Variants in ZNF276 observed in about 807,000 individuals in gnomAD.
ZNF276 encodes centromere protein Z.
In ZNF276, 59 loss-of-function variants were observed where a neutral mutation model predicts 63.9. The observed-to-expected ratio is 0.92, with a 90% CI of 0.75 to 1.15. The LOEUF (loss-of-function observed/expected upper bound fraction) is 1.15. ZNF276 is among the 50% of genes most tolerant of loss of function. The pLI is 0.00. For missense variants in ZNF276, 1,084 were observed against 843.8 expected, an observed-to-expected ratio of 1.28 and a Z score of -3.53; for synonymous variants, 496 against 348.4, an observed-to-expected ratio of 1.42 and a Z score of -4.72.
Position 89,738,525 on chromosome 16 carries a change from G to A in ZNF276, c.*279G>A, listed in dbSNP as rs2062025394. Reference sequence around the variant, plus strand: ...GGAGATTTGTAATCCACTTTTTAGTGCAACAAGAGCTCCATGTTATGCTTG... The same window carrying A: ...GGAGATTTGTAATCCACTTTTTAGTACAACAAGAGCTCCATGTTATGCTTG... On this transcript the variant is annotated 3_prime_UTR_variant, in exon 11 of 11. Transcript: ENST00000443381. 3 of 1,598,388 alleles carry A rather than the reference G, an allele frequency of 1.9e-6. No individual in the cohort carries two copies. The highest frequency in any genetic ancestry group is 2.2e-5 in the East Asian group (1 of 44,808).
At position 89,739,765 on chromosome 16, in the gene ZNF276, CAG is replaced by C. The variant is rs1428932772; in HGVS notation, c.*1526_*1527del. On this transcript the variant is annotated 3_prime_UTR_variant, in exon 11 of 11. Coordinates refer to ENST00000443381, the MANE Select transcript of ZNF276 (RefSeq NM_001113525.2). ...CTCTTGCAGGAGGGTGGGTGTGGTG[CAG>C]AGAGAGGCAGTCCCCATGATAGGCC... 7.4e-6 allele frequency: 11 copies of C among 1,476,548 alleles called. No homozygotes were observed. Among genetic ancestry groups the C allele is most frequent in the East Asian group, 2.5e-5 (1 of 40,426 alleles). The allele number at this position is 1,476,548 out of a possible 1,614,324, so 91.5% of individuals were successfully genotyped here.
rs1458794932 is a variant in ZNF276 at position 89,721,707 on chromosome 16, G to A, written c.67G>A (p.Gly23Ser). Residue 23 changes from glycine (G) to serine (S), a missense_variant, in exon 1 of 11, where the codon GGC becomes AGC. Gly to Ser is a moderately conservative substitution (Grantham distance 56). Transcript: ENST00000443381. ...GTCCCGACAGTGCGGGGCCTCGGAC[G>A]GCGGCGGCGGCGTCAGCCGGACTCG... ...GSSRQCGASD[G>S]GGGVSRTRGR... 1.5e-6 allele frequency: 2 copies of A among 1,366,754 alleles called. No homozygotes were observed. The highest frequency in any genetic ancestry group is 1.9e-6 in the Non-Finnish European group (2 of 1,060,752). 84.7% of individuals were successfully genotyped at this position (1,366,754 alleles called of 1,614,324 possible). A position where few individuals can be genotyped will look rare whatever the true frequency, so the allele number is the denominator to read the frequency against.
At chr16:89,725,946 C>T (rs1355396021) in intron 4 of ZNF276, among the ~76,000 whole-genome samples, 4 of 152,044 alleles carry the variant, frequency 2.6e-5, no homozygotes, top group South Asian at 2.1e-4. Flanking sequence ...CAGGCCTGGC[C>T]GAGAGAACAG....
intron 1 of ZNF276, among the ~76,000 whole-genome samples, chr16:89,722,243 G>A (rs1483000762): frequency 6.6e-6 from 1 of 152,230 alleles, no homozygotes; most frequent in Non-Finnish European, 1.5e-5. Context: ...CGCCTGCCCC[G>A]GGTCTCGCGG....
Position 89,723,625 on chromosome 16 carries a change from G to A in ZNF276, c.922G>A (p.Ala308Thr), listed in dbSNP as rs1169266255. Reference sequence around the variant, plus strand: ...CAAGACCCTGCCCAGCACGGATGTGGCCCAGCCTCCTTCGGACAGCGACGC... The same window carrying A: ...CAAGACCCTGCCCAGCACGGATGTGACCCAGCCTCCTTCGGACAGCGACGC... ...ETKTLPSTDVAQPPSDSDAVG... is the reference protein window; with the variant it reads ...ETKTLPSTDVTQPPSDSDAVG... Residue 308 changes from alanine to threonine, a missense_variant, in exon 4 of 11, where the codon GCC (alanine) becomes ACC (threonine). By Grantham distance (58) the Ala-to-Thr change is moderately conservative. Coordinates refer to ENST00000443381, the MANE Select transcript of ZNF276 (RefSeq NM_001113525.2). 1.2e-6 allele frequency: 2 copies of A among 1,612,750 alleles called. No homozygotes were observed. The highest frequency in any genetic ancestry group is 1.7e-5 in the Admixed American group (1 of 60,028).
At chr16:89,728,645 G>A (rs904046685) in intron 5 of ZNF276, among the ~76,000 whole-genome samples, 28 of 151,572 alleles carry the variant, frequency 1.8e-4, no homozygotes, top group East Asian at 9.7e-4. Context: ...CTCGTGATCC[G>A]CCCGCCTCTG....
rs1162227132 is a variant in ZNF276, at chr16:89,722,824, C to G, written c.499C>G (p.Pro167Ala). 1.9e-6 allele frequency: 3 copies of G among 1,602,464 alleles called. No individual in the cohort carries two copies. Among genetic ancestry groups the G allele is most frequent in the Non-Finnish European group, 2.5e-6 (3 of 1,179,782 alleles). The part of the protein sequence containing the change: ...VNASPAGRRK[P>A]CAKVGAQPPT... ...CGCCTCCCCGGCTGGTCGCCGGAAG[C>G]CTTGTGCAAAGTACGCCCTAGTCTG... Residue 167 changes from proline (P) to alanine (A), a missense_variant, in exon 2 of 11, where the codon CCT becomes GCT. By Grantham distance (27) the Pro-to-Ala change is conservative (BLOSUM62 -1). Coordinates refer to ENST00000443381, the MANE Select transcript of ZNF276 (RefSeq NM_001113525.2).
rs1324529383 is a variant in ZNF276 at position 89,739,550 on chromosome 16, A to G, written c.*1304A>G. 1 of 1,551,108 alleles carries G rather than the reference A, an allele frequency of 6.4e-7. No homozygotes were observed. Among genetic ancestry groups the G allele is most frequent in the Non-Finnish European group, 8.7e-7 (1 of 1,147,022 alleles). On this transcript the variant is annotated 3_prime_UTR_variant, in exon 11 of 11. Transcript: ENST00000443381. ...ACGGAGGAGGAGCCGCCCCAGCCTGAGGTCTGCAACACCAAGAAGTGGCTC... is the reference window on the plus strand; with the variant it reads ...ACGGAGGAGGAGCCGCCCCAGCCTGGGGTCTGCAACACCAAGAAGTGGCTC...
chr16:89,740,051 C>G lies in ZNF276; in HGVS notation c.*1805C>G. On this transcript the variant is annotated 3_prime_UTR_variant, in exon 11 of 11. Transcript: ENST00000443381. ...GATATCTTCCTCTTCTCTAAACACT[C>G]GAGGATTGCTGCACAAACGTGGAAA... The G allele has an allele frequency of 2.5e-6, 4 of 1,614,172 alleles. No individual in the cohort carries two copies. The highest frequency in any genetic ancestry group is 3.4e-6 in the Non-Finnish European group (4 of 1,180,032).
intron 5 of ZNF276, among the ~76,000 whole-genome samples, chr16:89,728,850 T>C (rs1239788967): frequency 6.6e-6 from 1 of 152,224 alleles, no homozygotes; most frequent in Non-Finnish European, 1.5e-5. Flanking sequence ...TTTGTGAACT[T>C]AGAAGTGACT....
intron 8 of ZNF276, 97 bp from the exon 9 acceptor site, chr16:89,733,824 A>G (rs1470117643): frequency 1.7e-6 from 2 of 1,158,346 alleles, no homozygotes; most frequent in Non-Finnish European, 2.6e-6. Context: ...GAGGAGTTGG[A>G]TCTGCCTTCC....
At chr16:89,723,068 G>T (rs1467406947) in intron 2 of ZNF276, 69 bp from the exon 3 acceptor site, 24 of 1,611,818 alleles carry the variant, frequency 1.5e-5, no homozygotes, top group Non-Finnish European at 2.0e-5. Flanking sequence ...TCTCGAGAGG[G>T]TCCCGTACGA....
intron 1 of ZNF276, among the ~76,000 whole-genome samples, 191 bp downstream of exon 1, chr16:89,722,036 C>T (rs1279101676): frequency 6.6e-6 from 1 of 152,090 alleles, no homozygotes; most frequent in Admixed American, 6.5e-5. Flanking sequence ...ACGCCGGCGT[C>T]GCCGGCCCGG....
At chr16:89,737,101 A>G (rs2035570956) in intron 9 of ZNF276, among the ~76,000 whole-genome samples, 1 of 152,122 alleles carries the variant, frequency 6.6e-6, no homozygotes, top group Admixed American at 6.6e-5. Context: ...AGATTTCCAG[A>G]GCCAGTACAG....
rs770318793 is a variant in ZNF276, at chr16:89,723,468, T to C, written c.765T>C (p.Ser255=). ...SSSCKAFLLD[S]ALAVKWPWDK... ...GCTGCAAGGCCTTCTTGCTGGACAGTGCGCTGGCAGTCAAGTGGCCATGGG... is the reference window on the plus strand; with the variant it reads ...GCTGCAAGGCCTTCTTGCTGGACAGCGCGCTGGCAGTCAAGTGGCCATGGG... The change falls in exon 4 of 11, where the codon AGT becomes AGC. Residue 255 remains serine (S), a synonymous_variant. Transcript: ENST00000443381. The C allele has an allele frequency of 3.7e-6, 6 of 1,612,902 alleles. No homozygotes were observed. Among genetic ancestry groups the C allele is most frequent in the Non-Finnish European group, 5.1e-6 (6 of 1,180,034 alleles).
rs769995042 is a variant in ZNF276, at chr16:89,738,174, G to A, written c.1773G>A (p.Ala591=). 3.8e-5 allele frequency: 62 copies of A among 1,612,688 alleles called. No individual in the cohort carries two copies. The highest frequency in any genetic ancestry group is 3.1e-4 in the East Asian group (14 of 44,812). ...AGGACAAGGCCCTGCCCCTGGAGGCGGAACCACCACCTGGGCCACCGAGCC... is the reference window on the plus strand; with the variant it reads ...AGGACAAGGCCCTGCCCCTGGAGGCAGAACCACCACCTGGGCCACCGAGCC... ...QTQDKALPLE[A]EPPPGPPSPS... Residue 591 remains alanine (A), a synonymous_variant, in exon 11 of 11, where the codon GCG becomes GCA. Coordinates refer to ENST00000443381, the MANE Select transcript of ZNF276 (RefSeq NM_001113525.2).
At position 89,739,813 on chromosome 16, in the gene ZNF276, A is replaced by C; in HGVS notation, c.*1567A>C. 6.8e-7 allele frequency: 1 copy of C among 1,465,736 alleles called. No homozygotes were observed. The highest frequency in any genetic ancestry group is 9.0e-7 in the Non-Finnish European group (1 of 1,112,368). The allele number at this position is 1,465,736 out of a possible 1,614,324, so 90.8% of individuals were successfully genotyped here. ...AGGCCCATTGGTCCTGGGGTTGACC[A>C]GTGAGCCAGTAAATTATCTTATTGC... On this transcript the variant is annotated 3_prime_UTR_variant, in exon 11 of 11. Coordinates refer to ENST00000443381, the MANE Select transcript of ZNF276 (RefSeq NM_001113525.2).
At position 89,740,869 on chromosome 16, in the gene ZNF276, G is replaced by A. The variant is rs921011399; in HGVS notation, c.*2623G>A. 3 of 1,611,158 alleles carry A rather than the reference G, an allele frequency of 1.9e-6. No individual in the cohort carries two copies. Among genetic ancestry groups the A allele is most frequent in the Non-Finnish European group, 1.7e-6 (2 of 1,178,254 alleles). On this transcript the variant is annotated 3_prime_UTR_variant, in exon 11 of 11. Coordinates refer to ENST00000443381, the MANE Select transcript of ZNF276 (RefSeq NM_001113525.2). ...AAGAAGAAAAGGAAAACCAATAGCT[G>A]TAAATAAAAACGTGCACTTATTATT...
chr16:89,720,565 G>C, upstream of ZNF276: 1 of 1,187,744 alleles, frequency 8.4e-7, no homozygotes. Flanking sequence ...AAGGTCCGCA[G>C]GATCTGAGCT....
Sources: allele counts gnomAD v4.1 joint callset (sites outside exome capture counted in the v4.1 genomes callset), GRCh38; gene constraint gnomAD v4.1.1; transcripts MANE v1.5; gene names NCBI Gene and HGNC (gene_info 2026-07-23, HGNC 2026-07-21).